The following PRR27 variants were observed in gnomAD, a reference collection of about 807,000 sequenced individuals.
The protein encoded by PRR27 is proline rich 27.
In PRR27, 12 loss-of-function variants were observed where a neutral mutation model predicts 16.8. The ratio of observed to expected loss-of-function variants is 0.71; its 90% confidence interval spans 0.46 to 1.16. The LOEUF (loss-of-function observed/expected upper bound fraction) is 1.16. Ranked by LOEUF, PRR27 falls within the 50% of genes most tolerant of loss-of-function variation. The probability of loss-of-function intolerance (pLI) is 0.00; values close to 1 mark genes in which losing one functional copy is unlikely to be tolerated. For missense variants in PRR27, 277 were observed against 273.3 expected (o/e 1.01, Z -0.10); for synonymous variants, 100 against 98.4 (o/e 1.02, Z -0.10).
rs1393098125 is a variant in PRR27 at position 70,163,858 on chromosome 4, C to G, written c.*1197C>G. On this transcript the variant is annotated 3_prime_UTR_variant, in exon 5 of 5. Coordinates refer to ENST00000344526, the MANE Select transcript of PRR27 (RefSeq NM_214711.4). ...AACTTCATTCCCTATCATTCTCCAT[C>G]TTGCCCCATGCTCCTCATGCAGCAG... The G allele has an allele frequency of 6.6e-6, 1 of 151,386 alleles. No individual in the cohort carries two copies. Among genetic ancestry groups the G allele is most frequent in the Admixed American group, 6.6e-5 (1 of 15,184 alleles). The allele number at this position is 151,386 out of a possible 1,614,324, so 9.4% of individuals were successfully genotyped here. A position where few individuals can be genotyped will look rare whatever the true frequency, so the allele number is the denominator to read the frequency against.
chr4:70,158,494 C>T lies in PRR27; in HGVS notation c.242C>T (p.Ser81Phe). Residue 81 changes from serine (S) to phenylalanine (F), a missense_variant, in exon 3 of 5, where the codon TCT becomes TTT. Ser to Phe is a radical substitution (Grantham distance 155, BLOSUM62 -2). Transcript: ENST00000344526. ...CCTTCGTATCCCTGGATTCTAACTTCTCCTGGATTCCCCTATGTCTATCAC... is the reference window on the plus strand; with the variant it reads ...CCTTCGTATCCCTGGATTCTAACTTTTCCTGGATTCCCCTATGTCTATCAC... ...GLPSYPWILT[S>F]PGFPYVYHIR... 1 of 1,614,178 alleles carries T rather than the reference C, an allele frequency of 6.2e-7. No individual in the cohort carries two copies. Among genetic ancestry groups the T allele is most frequent in the South Asian group, 1.1e-5 (1 of 91,090 alleles).
In PRR27 at chr4:70,157,127, G is replaced by C. The variant is rs560763937; in HGVS notation, c.75+1050G>C. On this transcript the variant is annotated intron_variant, in intron 2 of 4. Coordinates refer to ENST00000344526, the MANE Select transcript of PRR27 (RefSeq NM_214711.4). ...ATGTATATATGTCATACCTCAGGGG[G>C]CTCTGGCAATATGACTCGTGAGAAA... Among the ~76,000 whole-genome samples, 102 of 152,162 alleles carry C rather than the reference G, an allele frequency of 6.7e-4. 1 individual carries two copies. Among genetic ancestry groups the C allele is most frequent in the African/African-American group, 2.3e-3 (97 of 41,516 alleles).
intron 3 of PRR27, among the ~76,000 whole-genome samples, chr4:70,160,616 C>T (rs557430708): frequency 1.3e-5 from 2 of 152,134 alleles, no homozygotes; most frequent in African/African-American, 4.8e-5. Flanking sequence ...TGTTCCTTCT[C>T]ATTTTTCTTC....
intron 2 of PRR27, among the ~76,000 whole-genome samples, chr4:70,156,801 A>G (rs1472972477): frequency 2.0e-5 from 3 of 152,242 alleles, no homozygotes; most frequent in Non-Finnish European, 4.4e-5. Flanking sequence ...ATGATCAGAC[A>G]TATAACGAAG....
At position 70,164,428 on chromosome 4, in the gene PRR27, C is replaced by T. The variant is rs1728720069; in HGVS notation, c.*1767C>T. 1 of 152,072 alleles carries T rather than the reference C, an allele frequency of 6.6e-6. No individual in the cohort carries two copies. Among genetic ancestry groups the T allele is most frequent in the Admixed American group, 6.6e-5 (1 of 15,262 alleles). 9.4% of individuals were successfully genotyped at this position (152,072 alleles called of 1,614,324 possible). The stretch of plus-strand genomic sequence containing the variant: ...ATCAGAATATTACTGTTATGTATAG[C>T]CATGAGGACATGGTCTCAAAAAATG... On this transcript the variant is annotated 3_prime_UTR_variant, in exon 5 of 5. Coordinates refer to ENST00000344526, the MANE Select transcript of PRR27 (RefSeq NM_214711.4).
intron 2 of PRR27, among the ~76,000 whole-genome samples, chr4:70,156,986 A>G (rs1436174893): frequency 6.6e-6 from 1 of 152,076 alleles, no homozygotes; most frequent in Non-Finnish European, 1.5e-5. Context: ...GGTGTGCTGC[A>G]CCCATTAACT....
Position 70,154,386 on chromosome 4 carries a change from T to C in PRR27, c.11T>C (p.Leu4Pro). Residue 4 changes from leucine (L) to proline (P), a missense_variant, in exon 1 of 5, where the codon CTC becomes CCC. Leu to Pro is a moderately conservative substitution (Grantham distance 98). Coordinates refer to ENST00000344526, the MANE Select transcript of PRR27 (RefSeq NM_214711.4). ...ATAGGGTCAATCAAAATGAAGCTTC[T>C]CCTTTGGGCCTGCATTGTATGTGTT... MKL[L>P]LWACIVCVAF... is the part of the protein sequence containing the mutation. The C allele has an allele frequency of 4.3e-6, 7 of 1,611,542 alleles. No homozygotes were observed. Among genetic ancestry groups the C allele is most frequent in the Non-Finnish European group, 5.9e-6 (7 of 1,177,824 alleles).
rs74802241 is a variant in PRR27 at position 70,154,333 on chromosome 4, A to T, written c.-43A>T. On this transcript the variant is annotated 5_prime_UTR_variant, in exon 1 of 5. Coordinates refer to ENST00000344526, the MANE Select transcript of PRR27 (RefSeq NM_214711.4). ...TTAAAAATACATTGCGTATTTTCTA[A>T]AACAATAAATTTATAGTGTTAATAT... The T allele has an allele frequency of 8.0e-5, 118 of 1,473,792 alleles. No individual in the cohort carries two copies. In the East Asian group the frequency reaches 2.7e-3, roughly 33 times the overall value. 91.3% of individuals were successfully genotyped at this position (1,473,792 alleles called of 1,614,324 possible).
At chr4:70,160,429 C>CTG (rs1316808754) in intron 3 of PRR27, among the ~76,000 whole-genome samples, 1 of 70,806 alleles carries the variant, frequency 1.4e-5, no homozygotes, top group Non-Finnish European at 3.3e-5. Flanking sequence ...CTCTCTCTCT[C>CTG]TCTCTCTCTC....
intron 3 of PRR27, among the ~76,000 whole-genome samples, chr4:70,159,279 A>C (rs531458680): frequency 6.6e-6 from 1 of 152,314 alleles, no homozygotes; most frequent in African/African-American, 2.4e-5. Flanking sequence ...TGTGTCAGAC[A>C]TCATTCACTT....
At chr4:70,161,302 C>T (rs536869245) in intron 3 of PRR27, among the ~76,000 whole-genome samples, 1 of 148,726 alleles carries the variant, frequency 6.7e-6, no homozygotes, top group East Asian at 2.0e-4. Context: ...AGAAATAGAA[C>T]CTGATAAGAA....
At position 70,164,127 on chromosome 4, in the gene PRR27, T is replaced by G. The variant is rs936053219; in HGVS notation, c.*1466T>G. 1 of 152,132 alleles carries G rather than the reference T, an allele frequency of 6.6e-6. No homozygotes were observed. Among genetic ancestry groups the G allele is most frequent in the African/African-American group, 2.4e-5 (1 of 41,426 alleles). 9.4% of individuals were successfully genotyped at this position (152,132 alleles called of 1,614,324 possible). A position where few individuals can be genotyped will look rare whatever the true frequency, so the allele number is the denominator to read the frequency against. ...ACTATTACTGCTTTTTACCTTTTTATTTATTTGTGTATTGTCTTTGTTGTT... is the reference window on the plus strand; with the variant it reads ...ACTATTACTGCTTTTTACCTTTTTAGTTATTTGTGTATTGTCTTTGTTGTT... On this transcript the variant is annotated 3_prime_UTR_variant, in exon 5 of 5. Transcript: ENST00000344526.
intron 3 of PRR27, among the ~76,000 whole-genome samples, chr4:70,160,433 C>G (rs1296505626): frequency 1.2e-3 from 49 of 40,860 alleles, no homozygotes; most frequent in Admixed American, 6.8e-3. Context: ...CTCTCTCTCT[C>G]TCTCTCTCTC....
chr4:70,154,367 T>G lies in PRR27; in HGVS notation c.-9T>G. The stretch of plus-strand genomic sequence containing the variant: ...ATTTATAGTGTTAATATTCATAGGG[T>G]CAATCAAAATGAAGCTTCTCCTTTG... On this transcript the variant is annotated 5_prime_UTR_variant, in exon 1 of 5. Coordinates refer to ENST00000344526, the MANE Select transcript of PRR27 (RefSeq NM_214711.4). 2.5e-6 allele frequency: 4 copies of G among 1,604,564 alleles called. No individual in the cohort carries two copies. Among genetic ancestry groups the G allele is most frequent in the Non-Finnish European group, 3.4e-6 (4 of 1,171,630 alleles).
chr4:70,159,960 A>C (rs1162585526), intron 3 of PRR27, among the ~76,000 whole-genome samples: 1 of 152,048 alleles, frequency 6.6e-6, no homozygotes, highest in African/African-American at 2.4e-5. Flanking sequence ...GTAGTTCTCT[A>C]CCTGACCTCA....
At chr4:70,155,439 A>G (rs1728453087) in intron 1 of PRR27, among the ~76,000 whole-genome samples, 1 of 150,886 alleles carries the variant, frequency 6.6e-6, no homozygotes, top group Non-Finnish European at 1.5e-5. Context: ...ACCTGGGCTC[A>G]CTGCAAGCTC....
At chr4:70,157,502 G>A (rs1326218858) in intron 2 of PRR27, among the ~76,000 whole-genome samples, 1 of 150,834 alleles carries the variant, frequency 6.6e-6, no homozygotes, top group Non-Finnish European at 1.5e-5. Context: ...TCTGCTCACT[G>A]TCTTGTTTAT....
In PRR27 at chr4:70,158,222, T is replaced by A. The variant is rs1728535232; in HGVS notation, c.76-106T>A. The A allele has an allele frequency of 5.3e-6, 4 of 752,612 alleles. No homozygotes were observed. In the East Asian group the frequency reaches 7.5e-5, roughly 14 times the overall value. The allele number at this position is 752,612 out of a possible 1,614,324, so 46.6% of individuals were successfully genotyped here. A position where few individuals can be genotyped will look rare whatever the true frequency, so the allele number is the denominator to read the frequency against. On this transcript the variant is annotated intron_variant, in intron 2 of 4. Transcript: ENST00000344526. ...ACTTAAGAAAGATAAGACATTGGAA[T>A]TCTTTCAAAATATCATTACTTATCA... is the stretch of plus-strand genomic sequence containing the variant.
chr4:70,154,541 C>A, intron 1 of PRR27, 115 bp downstream of exon 1: 1 of 907,094 alleles, frequency 1.1e-6, no homozygotes, highest in Non-Finnish European at 1.8e-6. Context: ...AGCAGAGAGA[C>A]ATAGATGGAC....
Sources: allele counts gnomAD v4.1 joint callset (sites outside exome capture counted in the v4.1 genomes callset), GRCh38; gene constraint gnomAD v4.1.1; transcripts MANE v1.5; gene names NCBI Gene and HGNC (gene_info 2026-07-23, HGNC 2026-07-21).